The following TMEM19 variants were observed in gnomAD, a reference collection of about 807,000 sequenced individuals.
TMEM19 encodes transmembrane protein 19.
Under a neutral mutation model 33.6 loss-of-function variants are expected in TMEM19, and 21 were observed. That is an observed-to-expected ratio of 0.62 (90% CI 0.44 to 0.90). TMEM19 has a LOEUF of 0.90. Among genes scored for constraint, TMEM19 ranks in the 40% least tolerant of loss-of-function variants. The pLI is 0.00. For missense variants in TMEM19, 402 were observed against 401.8 expected, an observed-to-expected ratio of 1.00 and a Z score of 0.00; for synonymous variants, 149 against 147.5, an observed-to-expected ratio of 1.01 and a Z score of -0.07.
At position 71,703,187 on chromosome 12, in the gene TMEM19, C is replaced by CGAAAA. The variant is rs1882012073; in HGVS notation, c.*2192_*2193insGAAAA. 1 of 47,190 alleles carries CGAAAA rather than the reference C, an allele frequency of 2.1e-5. No homozygotes were observed. Among genetic ancestry groups the CGAAAA allele is most frequent in the South Asian group, 5.9e-4 (1 of 1,686 alleles). The allele number at this position is 47,190 out of a possible 1,614,324, so 2.9% of individuals were successfully genotyped here. ...GGGAGACTCCATCTAGACTCCATCT[C>CGAAAA]AAAAAAAAAAAAAAAAAAAAAAAAA... On this transcript the variant is annotated 3_prime_UTR_variant, in exon 6 of 6. Transcript: ENST00000266673.
At chr12:71,687,317 G>A (rs573365578) in intron 1 of TMEM19, among the ~76,000 whole-genome samples, 1 of 152,280 alleles carries the variant, frequency 6.6e-6, no homozygotes, top group Admixed American at 6.5e-5. Context: ...GGTGGCTCAC[G>A]CCTGTTATCC....
chr12:71,698,607 AAGAGAGAGAGAG>A (rs71068787), intron 4 of TMEM19, among the ~76,000 whole-genome samples: 3,375 of 121,164 alleles, frequency 0.028, 61 homozygotes, highest in African/African-American at 0.048. Context: ...TGTCTCTGAA[AAGAGAGAGAGAG>A]AGAGAGAGAG....
intron 1 of TMEM19, 52 bp downstream of exon 1, chr12:71,686,862 A>G (rs1881699606): frequency 6.5e-7 from 1 of 1,540,578 alleles, no homozygotes; most frequent in African/African-American, 1.4e-5. Context: ...AGAGGAAATT[A>G]AAACCATACC....
intron 4 of TMEM19, among the ~76,000 whole-genome samples, chr12:71,698,607 AAGAGAGAGAGAGAGAGAG>A (rs71068787): frequency 0.045 from 5,454 of 121,224 alleles, 289 homozygotes; most frequent in African/African-American, 0.14. Context: ...TGTCTCTGAA[AAGAGAGAGAGAGAGAGAG>A]AGAGAGAGAG....
chr12:71,692,930 C>T (rs1335653319), intron 2 of TMEM19, among the ~76,000 whole-genome samples: 1 of 150,392 alleles, frequency 6.6e-6, no homozygotes, highest in Non-Finnish European at 1.5e-5. Context: ...TATGGTGGCT[C>T]ACACCTGTAA....
At chr12:71,693,194 C>CA (rs1223613377) in intron 2 of TMEM19, among the ~76,000 whole-genome samples, 7 of 147,180 alleles carry the variant, frequency 4.8e-5, no homozygotes, top group Non-Finnish European at 7.5e-5. Context: ...GACCCTGTCC[C>CA]AAAAAAAAAA....
rs1459314878 is a variant in TMEM19, at chr12:71,686,128, C to G, written c.-553C>G. The G allele has an allele frequency of 6.5e-6, 1 of 154,802 alleles. No individual in the cohort carries two copies. The highest frequency in any genetic ancestry group is 1.4e-5 in the Non-Finnish European group (1 of 69,842). The allele number at this position is 154,802 out of a possible 1,614,324, so 9.6% of individuals were successfully genotyped here. On this transcript the variant is annotated 5_prime_UTR_variant, in exon 1 of 6. Transcript: ENST00000266673. ...CTAGAGGCGGGGGCGCCGGGAGGCGCGGGCTTTGCTCCTGGGGTCTCGGCC... is the reference window on the plus strand; with the variant it reads ...CTAGAGGCGGGGGCGCCGGGAGGCGGGGGCTTTGCTCCTGGGGTCTCGGCC...
chr12:71,698,205 A>C (rs552867640), intron 4 of TMEM19, among the ~76,000 whole-genome samples: 2 of 151,498 alleles, frequency 1.3e-5, no homozygotes, highest in South Asian at 4.2e-4. Context: ...TTTTCTTTCT[A>C]CCCATCCTAT....
chr12:71,694,211 C>T lies in TMEM19; in HGVS notation c.245-2225C>T, dbSNP rs75696144. 4.7e-3 allele frequency among the ~76,000 whole-genome samples: 712 copies of T among 152,236 alleles called. 6 individuals are homozygous for T. Among genetic ancestry groups the T allele is most frequent in the African/African-American group, 0.016 (676 of 41,542 alleles). ...CTAAGCTGCACACTGAAGTGGAGGG[C>T]TCTGGTCTCTTGGAGAGAGAGCGAG... On this transcript the variant is annotated intron_variant, in intron 2 of 5. Transcript: ENST00000266673.
chr12:71,692,004 C>T (rs1246465392), intron 2 of TMEM19, among the ~76,000 whole-genome samples: 5 of 152,316 alleles, frequency 3.3e-5, no homozygotes, highest in Admixed American at 2.0e-4. Flanking sequence ...GTTACCAGTG[C>T]AAACTTGGGC....
chr12:71,690,636 AT>A (rs1348346671), intron 2 of TMEM19, among the ~76,000 whole-genome samples: 1 of 152,214 alleles, frequency 6.6e-6, no homozygotes, highest in East Asian at 1.9e-4. Flanking sequence ...TATGAGAAAA[AT>A]GAAAAGATAA....
rs1372229826 is a variant in TMEM19 at position 71,704,942 on chromosome 12, T to C, written c.*3947T>C. The C allele has an allele frequency of 6.6e-6, 1 of 152,236 alleles. No individual in the cohort carries two copies. The highest frequency in any genetic ancestry group is 2.4e-5 in the African/African-American group (1 of 41,462). 9.4% of individuals were successfully genotyped at this position (152,236 alleles called of 1,614,324 possible). A position where few individuals can be genotyped will look rare whatever the true frequency, so the allele number is the denominator to read the frequency against. On this transcript the variant is annotated 3_prime_UTR_variant, in exon 6 of 6. Transcript: ENST00000266673. ...AAAATACTTAAGCATTCAATATGTATTCATTGAATTAAGTTGTTTGACTCT... is the reference window on the plus strand; with the variant it reads ...AAAATACTTAAGCATTCAATATGTACTCATTGAATTAAGTTGTTTGACTCT...
Position 71,700,948 on chromosome 12 carries a change from G to A in TMEM19, c.964G>A (p.Ala322Thr), listed in dbSNP as rs1881967675. Reference sequence around the variant, plus strand: ...GAATCTGTTTTCTTCTGTTCTTATTGCCCTCTTGCTCCCAACTGCTGCTTG... The same window carrying A: ...GAATCTGTTTTCTTCTGTTCTTATTACCCTCTTGCTCCCAACTGCTGCTTG... ...AVNLFSSVLI[A>T]LLLPTAAWGF... is the part of the protein sequence containing the mutation. Residue 322 changes from alanine to threonine, a missense_variant, in exon 6 of 6, where the codon GCC becomes ACC. Ala to Thr is a moderately conservative substitution (Grantham distance 58). Coordinates refer to ENST00000266673, the MANE Select transcript of TMEM19 (RefSeq NM_018279.4). 31 of 1,613,118 alleles carry A rather than the reference G, an allele frequency of 1.9e-5. No individual in the cohort carries two copies. Among genetic ancestry groups the A allele is most frequent in the Non-Finnish European group, 2.6e-5 (31 of 1,179,562 alleles).
chr12:71,687,561 A>C (rs1482108925), intron 1 of TMEM19, among the ~76,000 whole-genome samples: 2 of 152,214 alleles, frequency 1.3e-5, no homozygotes, highest in African/African-American at 2.4e-5. Flanking sequence ...CGTCTCAAAA[A>C]AAAAAAAGTA....
chr12:71,686,928 T>A, intron 1 of TMEM19, 118 bp downstream of exon 1: 1 of 985,586 alleles, frequency 1.0e-6, no homozygotes, highest in African/African-American at 1.7e-5. Flanking sequence ...TGTGTTTACT[T>A]AACTTCCATA....
Position 71,700,938 on chromosome 12 carries a change from T to A in TMEM19, c.954T>A (p.Ser318=). The A allele has an allele frequency of 6.2e-7, 1 of 1,613,698 alleles. No homozygotes were observed. The highest frequency in any genetic ancestry group is 2.2e-5 in the East Asian group (1 of 44,842). ...ACAACGCAGTGAATCTGTTTTCTTCTGTTCTTATTGCCCTCTTGCTCCCAA... is the reference window on the plus strand; with the variant it reads ...ACAACGCAGTGAATCTGTTTTCTTCAGTTCTTATTGCCCTCTTGCTCCCAA... ...LDNNAVNLFS[S]VLIALLLPTA... The change falls in exon 6 of 6, where the codon TCT becomes TCA. Residue 318 remains serine (S), a synonymous_variant. Coordinates refer to ENST00000266673, the MANE Select transcript of TMEM19 (RefSeq NM_018279.4).
intron 2 of TMEM19, among the ~76,000 whole-genome samples, chr12:71,691,398 A>C (rs1226453098): frequency 6.6e-6 from 1 of 152,090 alleles, no homozygotes; most frequent in African/African-American, 2.4e-5. Context: ...GCACTTTGGT[A>C]GTATTAAATC....
rs1025449798 is a variant in TMEM19, at chr12:71,701,983, A to C, written c.*988A>C. 1 of 152,224 alleles carries C rather than the reference A, an allele frequency of 6.6e-6. No homozygotes were observed. The highest frequency in any genetic ancestry group is 2.4e-5 in the African/African-American group (1 of 41,464). 9.4% of individuals were successfully genotyped at this position (152,224 alleles called of 1,614,324 possible). ...CTATGTTTGTTCTTCACTATGATTT[A>C]CTGTGTGCCAAAGGAGTTTTGACAG... On this transcript the variant is annotated 3_prime_UTR_variant, in exon 6 of 6. Coordinates refer to ENST00000266673, the MANE Select transcript of TMEM19 (RefSeq NM_018279.4).
chr12:71,697,788 T>C (rs1881901072), intron 4 of TMEM19, among the ~76,000 whole-genome samples: 1 of 152,112 alleles, frequency 6.6e-6, no homozygotes, highest in African/African-American at 2.4e-5. Context: ...TTTGCAAACA[T>C]ATCAGTAGGG....
Sources: allele counts gnomAD v4.1 joint callset (sites outside exome capture counted in the v4.1 genomes callset), GRCh38; gene constraint gnomAD v4.1.1; transcripts MANE v1.5; gene names NCBI Gene and HGNC (gene_info 2026-07-23, HGNC 2026-07-21).